PCBP3: variants seen among roughly 807,000 people sequenced by gnomAD.
The protein encoded by PCBP3 is poly(rC)-binding protein 3.
In PCBP3, 25 loss-of-function variants were observed where a neutral mutation model predicts 52.7. The ratio of observed to expected loss-of-function variants is 0.47; its 90% confidence interval spans 0.35 to 0.66. The LOEUF is 0.66. PCBP3 is among the 30% of genes least tolerant of loss of function. The pLI is 0.01. For missense variants in PCBP3, 391 were observed against 490.3 expected (o/e 0.80, Z 1.91); for synonymous variants, 162 against 183.0 (o/e 0.89, Z 0.93).
intron 2 of PCBP3, among the ~76,000 whole-genome samples, chr21:45,720,399 T>C (rs1291742186): frequency 6.6e-6 from 1 of 152,244 alleles, no homozygotes; most frequent in Non-Finnish European, 1.5e-5. Flanking sequence ...GGACATGAAC[T>C]CATTCTTTTT....
chr21:45,684,898 A>T (rs2082063034), intron 2 of PCBP3, among the ~76,000 whole-genome samples: 1 of 152,200 alleles, frequency 6.6e-6, no homozygotes, highest in Non-Finnish European at 1.5e-5. Context: ...GTTTATAGTG[A>T]TTTACATGAG....
At chr21:45,692,254 C>T (rs1056736778) in intron 2 of PCBP3, among the ~76,000 whole-genome samples, 5 of 151,840 alleles carry the variant, frequency 3.3e-5, no homozygotes, top group Middle Eastern at 3.4e-3. Context: ...AGAAGAACAG[C>T]AAAATAATCT....
At chr21:45,874,505 CT>C (rs551716964) in intron 5 of PCBP3, among the ~76,000 whole-genome samples, 2,633 of 133,924 alleles carry the variant, frequency 0.02, 49 homozygotes, top group African/African-American at 0.067. Flanking sequence ...TTCTTCTTTT[CT>C]TTTTTTTTTT....
At chr21:45,649,659 T>C (rs541330445) in intron 1 of PCBP3, among the ~76,000 whole-genome samples, 30 of 152,192 alleles carry the variant, frequency 2.0e-4, no homozygotes, top group Non-Finnish European at 4.0e-4. Context: ...CTTAAATCTT[T>C]TATTGATCTT....
intron 2 of PCBP3, among the ~76,000 whole-genome samples, chr21:45,731,772 T>A (rs1185128030): frequency 6.6e-6 from 1 of 152,208 alleles, no homozygotes; most frequent in East Asian, 1.9e-4. Context: ...ACATATAATG[T>A]AAGAACATTA....
intron 5 of PCBP3, chr21:45,871,631 G>C (rs2095026641): frequency 6.6e-6 from 1 of 152,324 alleles, no homozygotes; most frequent in South Asian, 2.1e-4. Context: ...CAGTCCCTGA[G>C]CCTAACCGGG....
chr21:45,921,812 C>T (rs1363638170), intron 13 of PCBP3, among the ~76,000 whole-genome samples: 2 of 151,424 alleles, frequency 1.3e-5, no homozygotes, highest in Admixed American at 6.6e-5. Flanking sequence ...GAACGAGACC[C>T]GTTTCAAAAA....
At chr21:45,678,491 A>T (rs118191156) in intron 2 of PCBP3, among the ~76,000 whole-genome samples, 69 of 152,132 alleles carry the variant, frequency 4.5e-4, no homozygotes, top group Non-Finnish European at 5.9e-4. Context: ...AACATCAACA[A>T]AGTTTGGAAG....
chr21:45,806,414 A>G (rs1256001890), intron 4 of PCBP3, among the ~76,000 whole-genome samples: 2 of 151,116 alleles, frequency 1.3e-5, no homozygotes, highest in Admixed American at 6.6e-5. Flanking sequence ...CCACTGGCAC[A>G]TAACCGCACC....
intron 5 of PCBP3, among the ~76,000 whole-genome samples, chr21:45,892,497 C>CGGGGCGTGGGGGGG (rs2095700792): frequency 8.3e-6 from 1 of 120,592 alleles, no homozygotes; most frequent in Admixed American, 8.2e-5. Context: ...CCGTCTCTCA[C>CGGGGCGTGGGGGGG]GGGGCGTGGA....
intron 1 of PCBP3, among the ~76,000 whole-genome samples, chr21:45,664,462 T>C (rs531987818): frequency 1.5e-4 from 22 of 150,304 alleles, no homozygotes; most frequent in Admixed American, 1.1e-3. Context: ...AAAAAAAAAG[T>C]TATCCAAGAC....
chr21:45,838,854 T>C (rs2093643471), intron 4 of PCBP3, among the ~76,000 whole-genome samples: 1 of 152,214 alleles, frequency 6.6e-6, no homozygotes. Flanking sequence ...TAGCTTCAAC[T>C]GAAATTCCTG....
intron 4 of PCBP3, among the ~76,000 whole-genome samples, chr21:45,768,929 C>T (rs535084004): frequency 1.1e-4 from 16 of 152,314 alleles, no homozygotes; most frequent in Admixed American, 7.2e-4. Flanking sequence ...AGCTCCAAGG[C>T]GCAATCAGGG....
At position 45,827,944 on chromosome 21, in the gene PCBP3, G is replaced by C. The variant is rs1050011724; in HGVS notation, c.-125-22017G>C. ...GCTTGGGGAGGCTGTAGTAATGAAA[G>C]GTCCTCAGATGCCAGTGGCTGATAC... On this transcript the variant is annotated intron_variant, in intron 4 of 17. Coordinates refer to ENST00000681687, the MANE Select transcript of PCBP3 (RefSeq NM_001384156.1). This position sits in a 1 kb window ranked among gnomAD's most constrained non-coding sequence, Gnocchi z 4.3. The C allele has an allele frequency of 4.6e-5, 7 of 152,238 alleles. No individual in the cohort carries two copies. The highest frequency in any genetic ancestry group is 1.3e-4 in the Admixed American group (2 of 15,276). The allele number at this position is 152,238 out of a possible 1,614,324, so 9.4% of individuals were successfully genotyped here.
intron 6 of PCBP3, among the ~76,000 whole-genome samples, chr21:45,896,834 A>G (rs995505737): frequency 6.8e-6 from 1 of 146,026 alleles, no homozygotes; most frequent in African/African-American, 2.6e-5. Context: ...AGAACCAGAG[A>G]TGCACTGCCC....
At chr21:45,728,377 A>C (rs1309710764) in intron 2 of PCBP3, among the ~76,000 whole-genome samples, 1 of 152,194 alleles carries the variant, frequency 6.6e-6, no homozygotes. Context: ...TTATATGGTG[A>C]ATTACATTGA....
chr21:45,870,344 A>C (rs2094950286), intron 5 of PCBP3, among the ~76,000 whole-genome samples: 1 of 152,212 alleles, frequency 6.6e-6, no homozygotes, highest in Non-Finnish European at 1.5e-5. Context: ...ATCTAATTTT[A>C]GCTTATTTTC....
At chr21:45,708,764 T>C (rs1038732610) in intron 2 of PCBP3, among the ~76,000 whole-genome samples, 149 of 152,356 alleles carry the variant, frequency 9.8e-4, no homozygotes, top group African/African-American at 3.4e-3. Flanking sequence ...CTGTGATTCA[T>C]GTGGGTTCCG....
At chr21:45,933,107 T>C (rs2076488965) in intron 15 of PCBP3, among the ~76,000 whole-genome samples, 1 of 151,938 alleles carries the variant, frequency 6.6e-6, no homozygotes, top group South Asian at 2.1e-4. Flanking sequence ...ACATCGGCCA[T>C]GCCATCCTGA....
Sources: gnomAD v4.1 joint callset for allele counts (sites outside exome capture counted in the v4.1 genomes callset) on GRCh38, gnomAD v4.1.1 for gene constraint, Gnocchi (gnomAD v3.1) non-coding constraint, MANE v1.5 for transcripts, NCBI Gene and HGNC (gene_info 2026-07-23, HGNC 2026-07-21) for gene names.